The following BMPER variants were observed in gnomAD, a reference collection of about 807,000 sequenced individuals.
The protein encoded by BMPER is BMP binding endothelial regulator.
Under a neutral mutation model 87.3 loss-of-function variants are expected in BMPER, and 45 were observed. The observed-to-expected ratio is 0.52, with a 90% CI of 0.41 to 0.66. The LOEUF is 0.66. Among genes scored for constraint, BMPER ranks in the 30% least tolerant of loss-of-function variants. The pLI is 0.00. For missense variants in BMPER, 784 were observed against 867.5 expected, an observed-to-expected ratio of 0.90 and a Z score of 1.21; for synonymous variants, 326 against 316.2, an observed-to-expected ratio of 1.03 and a Z score of -0.33.
intron 2 of BMPER, among the ~76,000 whole-genome samples, chr7:33,909,912 G>T (rs1783917452): frequency 6.6e-6 from 1 of 152,156 alleles, no homozygotes; most frequent in African/African-American, 2.4e-5. Context: ...ATGACAGTGG[G>T]TGCAGTGGCC....
chr7:33,996,363 G>A lies in BMPER; in HGVS notation c.576+21579G>A, dbSNP rs768682834. On this transcript the variant is annotated intron_variant, in intron 6 of 14. Transcript: ENST00000649409. ...TTTTTAGCTGTCGTATTTTTTTATG[G>A]TTACCTGCTTAAATTCACTCTTTAG... is the stretch of plus-strand genomic sequence containing the variant. Among the ~76,000 whole-genome samples, 37 of 152,004 alleles carry A rather than the reference G, an allele frequency of 2.4e-4. 1 individual carries two copies. Among genetic ancestry groups the A allele is most frequent in the Admixed American group, 2.4e-3 (37 of 15,254 alleles).
chr7:34,107,729 ATCTGGT>A (rs1789858994), intron 13 of BMPER, among the ~76,000 whole-genome samples: 1 of 152,038 alleles, frequency 6.6e-6, no homozygotes, highest in Non-Finnish European at 1.5e-5. Flanking sequence ...TCAGTTCCTT[ATCTGGT>A]AGAGGCTGTG....
At chr7:34,017,817 G>A (rs765164819) in intron 6 of BMPER, among the ~76,000 whole-genome samples, 4 of 151,696 alleles carry the variant, frequency 2.6e-5, no homozygotes, top group Non-Finnish European at 5.9e-5. Flanking sequence ...TTATCTAAAG[G>A]GAGAGCCAGC....
At chr7:34,047,787 T>TTTCCTTCC (rs776382522) in intron 7 of BMPER, among the ~76,000 whole-genome samples, 1 of 1,198 alleles carries the variant, frequency 8.3e-4, no homozygotes, top group Non-Finnish European at 2.1e-3. Context: ...CTTGATTTTC[T>TTTCCTTCC]TTCCTTCCTT....
intron 6 of BMPER, among the ~76,000 whole-genome samples, chr7:33,976,199 CTGCAGTGCAGTGGCA>C: frequency 6.6e-6 from 1 of 152,152 alleles, no homozygotes; most frequent in East Asian, 1.9e-4. Flanking sequence ...GTCTCCCAGG[CTGCAGTGCAGTGGCA>C]CTATGTCAGC....
chr7:33,907,728 A>G (rs549399930), intron 2 of BMPER, among the ~76,000 whole-genome samples: 1 of 152,236 alleles, frequency 6.6e-6, no homozygotes, highest in Non-Finnish European at 1.5e-5. Flanking sequence ...TTGGTTAGAA[A>G]CTACACATTA....
intron 10 of BMPER, among the ~76,000 whole-genome samples, chr7:34,061,388 A>G (rs1367707943): frequency 6.6e-6 from 1 of 152,224 alleles, no homozygotes; most frequent in Non-Finnish European, 1.5e-5. Context: ...GTAATGAAGC[A>G]TTACTCAGTG....
rs969785542 is a variant in BMPER, at chr7:33,942,477, A to G, written c.319+5089A>G. ...GGAGACAGACCCAGGTGGTCTCACC[A>G]TTAGGCTTCCAGGCCTGCTGTATCA... On this transcript the variant is annotated intron_variant, in intron 3 of 14. Transcript: ENST00000649409. 7.9e-5 allele frequency among the ~76,000 whole-genome samples: 12 copies of G among 152,318 alleles called. 2 individuals carry two copies. Among genetic ancestry groups the G allele is most frequent in the African/African-American group, 2.9e-4 (12 of 41,580 alleles).
At chr7:33,921,833 C>G (rs1355692281) in intron 2 of BMPER, 6 of 470,892 alleles carry the variant, frequency 1.3e-5, no homozygotes, top group Non-Finnish European at 2.6e-5. Context: ...TATGACTGAC[C>G]TAGTGCGCCA....
At chr7:33,992,252 A>C (rs1314840709) in intron 6 of BMPER, among the ~76,000 whole-genome samples, 2 of 131,470 alleles carry the variant, frequency 1.5e-5, no homozygotes, top group Admixed American at 8.1e-5. Context: ...GTGGGAGTCT[A>C]AGTCTCTTTG....
At position 34,148,749 on chromosome 7, in the gene BMPER, G is replaced by A. The variant is rs554313643; in HGVS notation, c.1877-4343G>A. Reference sequence around the variant, plus strand: ...GGTAGACTAGAAGAAAGAATTGAGAGGTCAGAGAGAGGAAAAAACATGGGA... The same window carrying A: ...GGTAGACTAGAAGAAAGAATTGAGAAGTCAGAGAGAGGAAAAAACATGGGA... On this transcript the variant is annotated intron_variant, in intron 14 of 14. Transcript: ENST00000649409. Among the ~76,000 whole-genome samples the A allele has an allele frequency of 3.9e-5, 6 of 152,258 alleles. No individual in the cohort carries two copies. In the South Asian group the frequency reaches 6.2e-4, roughly 16 times the overall value.
intron 2 of BMPER, among the ~76,000 whole-genome samples, chr7:33,926,361 G>A (rs998191953): frequency 2.6e-5 from 4 of 152,156 alleles, no homozygotes; most frequent in Admixed American, 1.3e-4. Flanking sequence ...TCTGGAAGCC[G>A]TTTTGTGATG....
rs1265901636 is a variant in BMPER, at chr7:34,031,995, ATGTG to A, written c.577-14299_577-14296del. Among the ~76,000 whole-genome samples the A allele has an allele frequency of 4.3e-5, 6 of 140,344 alleles. No homozygotes were observed. In the Admixed American group the frequency reaches 4.3e-4, roughly 10 times the overall value. The allele number at this position is 140,344 out of a possible 152,430, so 92.1% of individuals were successfully genotyped here. ...AAATATATCTTATATATAAATATAT[ATGTG>A]TGTGTGTGTGTATATATATATATAT... On this transcript the variant is annotated intron_variant, in intron 6 of 14. Transcript: ENST00000649409.
chr7:33,909,701 G>GAAAA (rs1783911179), intron 2 of BMPER, among the ~76,000 whole-genome samples: 2 of 139,420 alleles, frequency 1.4e-5, no homozygotes, highest in Non-Finnish European at 3.1e-5. Context: ...AAAAAAGAAA[G>GAAAA]AAAAAGCTAA....
At chr7:34,062,115 T>C (rs1056607221) in intron 11 of BMPER, 68 bp downstream of exon 11, 9 of 1,387,958 alleles carry the variant, frequency 6.5e-6, no homozygotes, top group Non-Finnish European at 9.1e-6. Flanking sequence ...ACAAGAAAAA[T>C]AGGGGTGTAT....
At chr7:34,093,724 A>G (rs1049687915) in intron 13 of BMPER, among the ~76,000 whole-genome samples, 3 of 152,320 alleles carry the variant, frequency 2.0e-5, no homozygotes, top group African/African-American at 7.2e-5. Flanking sequence ...TCCTCAGAAA[A>G]TTACATTCTG....
At chr7:33,933,405 A>G (rs1784526661) in intron 2 of BMPER, among the ~76,000 whole-genome samples, 1 of 149,686 alleles carries the variant, frequency 6.7e-6, no homozygotes, top group African/African-American at 2.5e-5. Context: ...AGAATGAAAG[A>G]TGCAGTAAGG....
At chr7:33,983,891 A>G (rs1414940807) in intron 6 of BMPER, among the ~76,000 whole-genome samples, 2 of 152,206 alleles carry the variant, frequency 1.3e-5, no homozygotes, top group African/African-American at 4.8e-5. Context: ...AAATATTGAC[A>G]CAATAAAAGA....
intron 3 of BMPER, among the ~76,000 whole-genome samples, chr7:33,962,643 G>A (rs910230387): frequency 2.0e-5 from 3 of 152,098 alleles, no homozygotes; most frequent in African/African-American, 7.2e-5. Context: ...CCTCACTTGA[G>A]AACTGCTGGT....
Sources: allele counts gnomAD v4.1 joint callset (sites outside exome capture counted in the v4.1 genomes callset), GRCh38; gene constraint gnomAD v4.1.1; transcripts MANE v1.5; gene names NCBI Gene and HGNC (gene_info 2026-07-23, HGNC 2026-07-21).